Variants in EPS15 observed in about 807,000 individuals in gnomAD.
EPS15 encodes the protein epidermal growth factor receptor pathway substrate 15, also known as epidermal growth factor receptor substrate 15.
EPS15 carries 72 observed loss-of-function variants against 113.8 expected under a neutral mutation model. That is an observed-to-expected ratio of 0.63 (90% CI 0.52 to 0.77). EPS15 has a LOEUF of 0.77. EPS15 is among the 30% of genes least tolerant of loss of function. The probability of loss-of-function intolerance (pLI) is 0.00; values close to 1 mark genes in which losing one functional copy is unlikely to be tolerated. For missense variants in EPS15, 1,048 were observed against 1,045.8 expected (o/e 1.00, Z -0.03); for synonymous variants, 344 against 363.4 (o/e 0.95, Z 0.61).
intron 24 of EPS15, among the ~76,000 whole-genome samples, chr1:51,357,405 TA>T (rs1646252370): frequency 1.9e-5 from 1 of 52,186 alleles, no homozygotes; most frequent in African/African-American, 1.1e-4. Context: ...TATATATATA[TA>T]TATATATATA....
chr1:51,393,802 T>C (rs1647634616), intron 21 of EPS15, among the ~76,000 whole-genome samples: 10 of 152,250 alleles, frequency 6.6e-5, no homozygotes, highest in Admixed American at 6.5e-4. Context: ...ATCTTGGCTT[T>C]ACCTGGTTCA....
chr1:51,515,069 A>C (rs1644691120), intron 1 of EPS15, among the ~76,000 whole-genome samples: 1 of 152,242 alleles, frequency 6.6e-6, no homozygotes, highest in Admixed American at 6.5e-5. Context: ...TGTTTAAAAA[A>C]TGAAACTGAA....
chr1:51,436,418 G>A (rs1045440550), intron 12 of EPS15, among the ~76,000 whole-genome samples: 5 of 152,004 alleles, frequency 3.3e-5, no homozygotes. Context: ...AAACAGAGAA[G>A]ACAGATTTCA....
chr1:51,434,265 T>G (rs893540171), intron 12 of EPS15, among the ~76,000 whole-genome samples: 4 of 152,220 alleles, frequency 2.6e-5, no homozygotes, highest in African/African-American at 9.6e-5. Flanking sequence ...GCAGCGTTAT[T>G]CATAATAGCT....
At chr1:51,377,895 C>CA (rs1646840398) in intron 21 of EPS15, among the ~76,000 whole-genome samples, 1 of 136,558 alleles carries the variant, frequency 7.3e-6, no homozygotes, top group South Asian at 2.4e-4. Flanking sequence ...TAATCATTAG[C>CA]TTTTTTTTTT....
chr1:51,497,892 G>A (rs1036050214), intron 1 of EPS15, among the ~76,000 whole-genome samples: 4 of 151,572 alleles, frequency 2.6e-5, no homozygotes, highest in Admixed American at 2.0e-4. Flanking sequence ...CAGGAGAATC[G>A]CTTGAACGCA....
rs201240154 is a variant in EPS15, at chr1:51,432,732, G to A, written c.1040+7615C>T. Among the ~76,000 whole-genome samples the A allele has an allele frequency of 5.3e-5, 8 of 152,206 alleles. No homozygotes were observed. The East Asian group carries it at 1.5e-3, about 29-fold the overall frequency. Reference sequence around the variant, plus strand: ...CAGCACAGGTTCAGACTTTAGCAAGGAGGTTTTCAAGTAAGGAGAGTCTCC... The same window carrying A: ...CAGCACAGGTTCAGACTTTAGCAAGAAGGTTTTCAAGTAAGGAGAGTCTCC... On this transcript the variant is annotated intron_variant, in intron 12 of 24. Coordinates refer to ENST00000371733, the MANE Select transcript of EPS15 (RefSeq NM_001981.3).
rs538417021 is a variant in EPS15, at chr1:51,426,448, C to T, written c.1041-4590G>A. The stretch of plus-strand genomic sequence containing the variant: ...AAAGCTAGCATTCTAGGTAGCAAGC[C>T]CTGGCTCCTGTCACCTCCTGTCATA... On this transcript the variant is annotated intron_variant, in intron 12 of 24. Coordinates refer to ENST00000371733, the MANE Select transcript of EPS15 (RefSeq NM_001981.3). 1.8e-4 allele frequency among the ~76,000 whole-genome samples: 27 copies of T among 148,840 alleles called. No homozygotes were observed. In the South Asian group the frequency reaches 4.9e-3, roughly 27 times the overall value.
chr1:51,356,533 G>T lies in EPS15; in HGVS notation c.*167C>A. The T allele has an allele frequency of 1.2e-5, 6 of 480,704 alleles. No homozygotes were observed. Among genetic ancestry groups the T allele is most frequent in the Middle Eastern group, 5.6e-4 (1 of 1,780 alleles). 29.8% of individuals were successfully genotyped at this position (480,704 alleles called of 1,614,324 possible). ...TTTTATAAGAAAAAAAAAAAAAGACGAATCTGTAATGAAGAAAAAAAAAAA... is the reference window on the plus strand; with the variant it reads ...TTTTATAAGAAAAAAAAAAAAAGACTAATCTGTAATGAAGAAAAAAAAAAA... On this transcript the variant is annotated 3_prime_UTR_variant, in exon 25 of 25. Transcript: ENST00000371733.
chr1:51,359,997 A>G (rs541867380), intron 24 of EPS15, among the ~76,000 whole-genome samples: 90 of 151,992 alleles, frequency 5.9e-4, no homozygotes, highest in Non-Finnish European at 6.6e-4. Flanking sequence ...CCACCACCTC[A>G]GCCCCCCAAG....
intron 22 of EPS15, among the ~76,000 whole-genome samples, chr1:51,365,595 G>C (rs1228417119): frequency 6.6e-6 from 1 of 152,156 alleles, no homozygotes; most frequent in Non-Finnish European, 1.5e-5. Flanking sequence ...CCAATACAGA[G>C]AGGACGAAAT....
At chr1:51,438,869 ATTTT>A (rs1043150033) in intron 12 of EPS15, among the ~76,000 whole-genome samples, 2 of 148,284 alleles carry the variant, frequency 1.3e-5, no homozygotes, top group African/African-American at 4.9e-5. Flanking sequence ...TTTGGATTTG[ATTTT>A]TTTTTTTCCG....
chr1:51,384,525 C>A (rs1024497926), intron 21 of EPS15, among the ~76,000 whole-genome samples: 2 of 151,864 alleles, frequency 1.3e-5, no homozygotes, highest in African/African-American at 4.8e-5. Context: ...TGGTCTTGAA[C>A]TCCTGAACTC....
At chr1:51,504,303 G>A (rs1442796309) in intron 1 of EPS15, among the ~76,000 whole-genome samples, 3 of 152,064 alleles carry the variant, frequency 2.0e-5, no homozygotes, top group African/African-American at 7.2e-5. Context: ...CCAGCTACTG[G>A]GGAGGCTGAG....
intron 24 of EPS15, among the ~76,000 whole-genome samples, chr1:51,357,684 C>T (rs1162085615): frequency 6.9e-6 from 1 of 145,794 alleles, no homozygotes; most frequent in African/African-American, 2.5e-5. Context: ...GCTGATTTTG[C>T]TATACATCAT....
intron 24 of EPS15, among the ~76,000 whole-genome samples, chr1:51,357,392 ATATATAT>A (rs1371050480): frequency 2.1e-3 from 122 of 59,070 alleles, no homozygotes; most frequent in African/African-American, 9.3e-3. Context: ...AAAAAAAAAA[ATATATAT>A]ATATATATAT....
At chr1:51,460,143 G>A (rs932783711) in intron 8 of EPS15, among the ~76,000 whole-genome samples, 17 of 152,210 alleles carry the variant, frequency 1.1e-4, no homozygotes, top group African/African-American at 3.1e-4. Context: ...GAACAACCAC[G>A]AAAGAGAGTA....
intron 11 of EPS15, among the ~76,000 whole-genome samples, chr1:51,442,517 T>C (rs528259561): frequency 6.6e-6 from 1 of 152,266 alleles, no homozygotes; most frequent in African/African-American, 2.4e-5. Flanking sequence ...TTAGTTAATA[T>C]TTTATGTAGC....
intron 21 of EPS15, chr1:51,394,180 C>T: frequency 4.7e-6 from 2 of 427,010 alleles, no homozygotes; most frequent in Non-Finnish European, 8.6e-6. Context: ...GTGTAATATT[C>T]AACATGAATA....
Sources: gnomAD v4.1 joint callset for allele counts (sites outside exome capture counted in the v4.1 genomes callset) on GRCh38, gnomAD v4.1.1 for gene constraint, MANE v1.5 for transcripts, NCBI Gene and HGNC (gene_info 2026-07-23, HGNC 2026-07-21) for gene names.